TBX3: variants seen among roughly 807,000 people sequenced by gnomAD.
TBX3 encodes T-box transcription factor TBX3.
In TBX3, 11 loss-of-function variants were observed where a neutral mutation model predicts 47.8. The observed-to-expected ratio is 0.23, with a 90% CI of 0.14 to 0.38. The LOEUF (loss-of-function observed/expected upper bound fraction) is 0.38, where lower values mean the gene tolerates loss of function less well. TBX3 is among the 10% of genes least tolerant of loss of function. TBX3 has a pLI of 1.00. For missense variants in TBX3, 927 were observed against 1,022.8 expected (o/e 0.91, Z 1.28); for synonymous variants, 500 against 449.3 (o/e 1.11, Z -1.43).
intron 2 of TBX3, 102 bp from the exon 3 acceptor site, chr12:114,679,753 TA>T: frequency 6.4e-7 from 1 of 1,574,722 alleles, no homozygotes; most frequent in Non-Finnish European, 8.7e-7. Context: ...CACCGCAGGG[TA>T]CCACGCTTGT....
rs949789924 is a variant in TBX3 at position 114,679,768 on chromosome 12, G to A, written c.658-117C>T. 1.5e-5 allele frequency: 23 copies of A among 1,541,852 alleles called. No individual in the cohort carries two copies. In the East Asian group the frequency reaches 2.5e-4, roughly 17 times the overall value. On this transcript the variant is annotated intron_variant, in intron 2 of 6. Transcript: ENST00000349155. Reference sequence around the variant, plus strand: ...CACCGCAGGGTACCACGCTTGTACCGAGCCCACCTCCTTGGAGTACCCCCT... The same window carrying A: ...CACCGCAGGGTACCACGCTTGTACCAAGCCCACCTCCTTGGAGTACCCCCT...
At position 114,672,006 on chromosome 12, in the gene TBX3, G is replaced by T; in HGVS notation, c.2007C>A (p.Gly669=). The change falls in exon 7 of 7, where the codon GGC becomes GGA. Residue 669 remains glycine (G), a synonymous_variant. Transcript: ENST00000349155. ...TGGAGGAGCGGCTGTTGAGTTCAGAGCCCGAGTCCACTGCCACCGAGGCCG... is the reference window on the plus strand; with the variant it reads ...TGGAGGAGCGGCTGTTGAGTTCAGATCCCGAGTCCACTGCCACCGAGGCCG... ...ASPASVAVDS[G]SELNSRSSTL... 2 of 1,598,330 alleles carry T rather than the reference G, an allele frequency of 1.3e-6. No homozygotes were observed. Among genetic ancestry groups the T allele is most frequent in the Non-Finnish European group, 8.5e-7 (1 of 1,172,752 alleles).
At chr12:114,677,482 T>C (rs1205245072) in intron 4 of TBX3, 98 bp downstream of exon 4, 1 of 1,181,224 alleles carries the variant, frequency 8.5e-7, no homozygotes, top group African/African-American at 1.5e-5. Context: ...CACCCGCTCT[T>C]AGGATAAGTG....
At position 114,683,010 on chromosome 12, in the gene TBX3, A is replaced by G. The variant is rs759407815; in HGVS notation, c.191T>C (p.Ile64Thr). 6.2e-7 allele frequency: 1 copy of G among 1,613,376 alleles called. No homozygotes were observed. Among genetic ancestry groups the G allele is most frequent in the Non-Finnish European group, 8.5e-7 (1 of 1,179,694 alleles). ...LSLPGALAKP[I>T]MDQLVGAAET... ...GGCCGCCCCCACCAATTGATCCATG[A>G]TCGGCTTGGCCAGGGCGCCCGGCAG... The change falls in exon 1 of 7, where the codon ATC becomes ACC. Residue 64 changes from isoleucine to threonine, a missense_variant. Ile to Thr is a moderately conservative substitution (Grantham distance 89). Coordinates refer to ENST00000349155, the MANE Select transcript of TBX3 (RefSeq NM_005996.4). This position sits in a 1 kb window ranked among gnomAD's most constrained non-coding sequence, Gnocchi z 7.7.
In TBX3 at chr12:114,674,636, G is replaced by A. The variant is rs756790283; in HGVS notation, c.1239C>T (p.Pro413=). 3 of 1,606,514 alleles carry A rather than the reference G, an allele frequency of 1.9e-6. No homozygotes were observed. Among genetic ancestry groups the A allele is most frequent in the African/African-American group, 1.3e-5 (1 of 75,008 alleles). Residue 413 remains proline, a synonymous_variant, in exon 6 of 7, where the codon CCC becomes CCT. Transcript: ENST00000349155. ...TGGTGGCGGGGCTATGGCGTGAGTC[G>A]GGCGACGCTTTGTCCAGCCGCCCGC... ...RDSGRLDKAS[P]DSRHSPATIS...
chr12:114,674,816 A>ACCCTCG lies in TBX3; in HGVS notation c.1053_1058dup (p.Gly353_Glu354dup), dbSNP rs1475665588. ...TGCTCTCGGCCTCGGCGTCGCTCTC[A>ACCCTCG]CCCTCGCTGGGACATAAATCTACCA... On this transcript the variant is annotated inframe_insertion, in exon 6 of 7. Coordinates refer to ENST00000349155, the MANE Select transcript of TBX3 (RefSeq NM_005996.4). 1 of 1,573,538 alleles carries ACCCTCG rather than the reference A, an allele frequency of 6.4e-7. No individual in the cohort carries two copies. The highest frequency in any genetic ancestry group is 1.3e-5 in the African/African-American group (1 of 74,678).
Position 114,676,343 on chromosome 12 carries a change from C to T in TBX3, c.1009G>A (p.Ala337Thr), listed in dbSNP as rs140580685. ...NCFAQASSPAASTVGTSNLKD... is the reference protein window; with the variant it reads ...NCFAQASSPATSTVGTSNLKD... ...AGGTTCGATGTCCCTACAGTGGAGG[C>T]GGCTGGAGAAGAAGCCTGGGCGAAG... Residue 337 changes from alanine to threonine, a missense_variant, in exon 5 of 7, where the codon GCC (alanine) becomes ACC (threonine). This residue lies in a region of TBX3 where 44 missense variants were observed against 59.3 expected (regional missense o/e 0.74). Transcript: ENST00000349155. The T allele has an allele frequency of 1.0e-4, 165 of 1,613,940 alleles. No homozygotes were observed. Among genetic ancestry groups the T allele is most frequent in the Non-Finnish European group, 1.4e-4 (160 of 1,180,042 alleles).
chr12:114,679,281 A>G (rs1001217414), intron 3 of TBX3, among the ~76,000 whole-genome samples: 1 of 152,072 alleles, frequency 6.6e-6, no homozygotes, highest in African/African-American at 2.4e-5. Flanking sequence ...CTGTGGCAAA[A>G]TTAGTATGGC....
At position 114,683,055 on chromosome 12, in the gene TBX3, T is replaced by C. The variant is rs1168678629; in HGVS notation, c.146A>G (p.Asn49Ser). The change falls in exon 1 of 7, where the codon AAC becomes AGC. Residue 49 changes from asparagine (N) to serine (S), a missense_variant. By Grantham distance (46) the Asn-to-Ser change is conservative. Coordinates refer to ENST00000349155, the MANE Select transcript of TBX3 (RefSeq NM_005996.4). The surrounding 1 kb of genome is among the most constrained non-coding windows in gnomAD (Gnocchi z 7.7). ...CGGCAGCGAGAGCGCCGCCGCGCCG[T>C]TGGGAGGCAGCGTCAGCGCGGGGAA... ...PFFPALTLPP[N>S]GAAALSLPGA... 2.5e-6 allele frequency: 4 copies of C among 1,608,880 alleles called. No individual in the cohort carries two copies. Among genetic ancestry groups the C allele is most frequent in the East Asian group, 2.2e-5 (1 of 44,684 alleles).
chr12:114,671,740 G>T lies in TBX3; in HGVS notation c.*101C>A. ...CCCTTCCCAGACGCAACTGCAAAAGGAAGGGCTAACGCCATGGCGGGCCCG... is the reference window on the plus strand; with the variant it reads ...CCCTTCCCAGACGCAACTGCAAAAGTAAGGGCTAACGCCATGGCGGGCCCG... On this transcript the variant is annotated 3_prime_UTR_variant, in exon 7 of 7. Coordinates refer to ENST00000349155, the MANE Select transcript of TBX3 (RefSeq NM_005996.4). 3.4e-6 allele frequency: 5 copies of T among 1,469,306 alleles called. No individual in the cohort carries two copies. The highest frequency in any genetic ancestry group is 3.9e-5 in the Admixed American group (2 of 50,876). 91.0% of individuals were successfully genotyped at this position (1,469,306 alleles called of 1,614,324 possible). A position where few individuals can be genotyped will look rare whatever the true frequency, so the allele number is the denominator to read the frequency against.
In TBX3 at chr12:114,676,271, G is replaced by A. The variant is rs143450722; in HGVS notation, c.1039+42C>T. 3.5e-5 allele frequency: 57 copies of A among 1,611,586 alleles called. No individual in the cohort carries two copies. In the African/African-American group the frequency reaches 6.1e-4, roughly 17 times the overall value. On this transcript the variant is annotated intron_variant, in intron 5 of 6. Coordinates refer to ENST00000349155, the MANE Select transcript of TBX3 (RefSeq NM_005996.4). Reference sequence around the variant, plus strand: ...TCCCCCTTCAACTCTTCCAGGCCACGAGGGACTGGAGTCCAGTGATCACAA... The same window carrying A: ...TCCCCCTTCAACTCTTCCAGGCCACAAGGGACTGGAGTCCAGTGATCACAA...
chr12:114,671,634 C>T lies in TBX3; in HGVS notation c.*207G>A. The T allele has an allele frequency of 1.5e-6, 1 of 658,870 alleles. No individual in the cohort carries two copies. The highest frequency in any genetic ancestry group is 2.7e-5 in the East Asian group (1 of 36,486). 40.8% of individuals were successfully genotyped at this position (658,870 alleles called of 1,614,324 possible). ...ACCGACGTTTCTGAGCCCCCAGAAT[C>T]TGATCCAGATCCCGGACATATAAAC... is the stretch of plus-strand genomic sequence containing the variant. On this transcript the variant is annotated 3_prime_UTR_variant, in exon 7 of 7. Transcript: ENST00000349155.
rs1868432783 is a variant in TBX3 at position 114,671,688 on chromosome 12, G to C, written c.*153C>G. ...GCCAAGAAGACAGGGGCTGTCTCTA[G>C]CACATTCTCTCGAGGGAGTCCGGGG... On this transcript the variant is annotated 3_prime_UTR_variant, in exon 7 of 7. Coordinates refer to ENST00000349155, the MANE Select transcript of TBX3 (RefSeq NM_005996.4). 3 of 902,774 alleles carry C rather than the reference G, an allele frequency of 3.3e-6. No homozygotes were observed. The highest frequency in any genetic ancestry group is 5.2e-6 in the Non-Finnish European group (3 of 572,680). The allele number at this position is 902,774 out of a possible 1,614,324, so 55.9% of individuals were successfully genotyped here.
At position 114,680,857 on chromosome 12, in the gene TBX3, T is replaced by C. The variant is rs1160153361; in HGVS notation, c.657+22A>G. On this transcript the variant is annotated intron_variant, in intron 2 of 6. Coordinates refer to ENST00000349155, the MANE Select transcript of TBX3 (RefSeq NM_005996.4). ...TGAGTGAAGGAGGAGAAAATTTTAC[T>C]GAAGAGAGCAATGAAACTTACAAAT... is the stretch of plus-strand genomic sequence containing the variant. 13 of 1,614,072 alleles carry C rather than the reference T, an allele frequency of 8.1e-6. No individual in the cohort carries two copies. The East Asian group carries it at 8.9e-5, about 11-fold the overall frequency.
rs776175874 is a variant in TBX3 at position 114,680,966 on chromosome 12, G to A, written c.570C>T (p.Ser190=). The change falls in exon 2 of 7, where the codon AGC becomes AGT. Residue 190 remains serine, a synonymous_variant. Coordinates refer to ENST00000349155, the MANE Select transcript of TBX3 (RefSeq NM_005996.4). ...MPKRMYIHPD[S]PATGEQWMSK... The stretch of plus-strand genomic sequence containing the variant: ...ACATCCACTGTTCCCCAGTAGCGGG[G>A]CTGTCCGGGTGAATGTACATCCTCT... 29 of 1,613,990 alleles carry A rather than the reference G, an allele frequency of 1.8e-5. No individual in the cohort carries two copies. The highest frequency in any genetic ancestry group is 1.7e-4 in the Admixed American group (10 of 59,988).
intron 2 of TBX3, chr12:114,679,939 G>A: frequency 6.2e-7 from 1 of 1,613,966 alleles, no homozygotes; most frequent in Non-Finnish European, 8.5e-7. Context: ...TAATTCCCCT[G>A]CCACGTAGCG....
chr12:114,672,331 G>A, intron 6 of TBX3, 29 bp from the exon 7 acceptor site: 1 of 1,502,746 alleles, frequency 6.7e-7, no homozygotes, highest in Non-Finnish European at 8.9e-7. Context: ...CACACAGCGA[G>A]TCAGCCGGGT....
Position 114,671,649 on chromosome 12 carries a change from G to T in TBX3, c.*192C>A, listed in dbSNP as rs1269955185. On this transcript the variant is annotated 3_prime_UTR_variant, in exon 7 of 7. Coordinates refer to ENST00000349155, the MANE Select transcript of TBX3 (RefSeq NM_005996.4). ...CCCCCAGAATCTGATCCAGATCCCGGACATATAAACCACGCCAAGAAGACA... is the reference window on the plus strand; with the variant it reads ...CCCCCAGAATCTGATCCAGATCCCGTACATATAAACCACGCCAAGAAGACA... 1 of 700,314 alleles carries T rather than the reference G, an allele frequency of 1.4e-6. No individual in the cohort carries two copies. Among genetic ancestry groups the T allele is most frequent in the Non-Finnish European group, 2.4e-6 (1 of 415,720 alleles). 43.4% of individuals were successfully genotyped at this position (700,314 alleles called of 1,614,324 possible).
At chr12:114,675,840 T>C (rs1168858866) in intron 5 of TBX3, among the ~76,000 whole-genome samples, 1 of 151,766 alleles carries the variant, frequency 6.6e-6, no homozygotes, top group Admixed American at 6.6e-5. Flanking sequence ...CTGGATGTTT[T>C]CTAGGCCACC....
Sources: gnomAD v4.1 joint callset for allele counts (sites outside exome capture counted in the v4.1 genomes callset) on GRCh38, gnomAD v4.1.1 for gene constraint, gnomAD v4.1.1 regional missense constraint, Gnocchi (gnomAD v3.1) non-coding constraint, MANE v1.5 for transcripts, NCBI Gene and HGNC (gene_info 2026-07-23, HGNC 2026-07-21) for gene names.